Variants in CAPS2 observed in about 807,000 individuals in gnomAD.
The protein encoded by CAPS2 is calcyphosin-2.
In CAPS2, 98 loss-of-function variants were observed where a neutral mutation model predicts 86.5. That is an observed-to-expected ratio of 1.13 (90% CI 0.96 to 1.34). The LOEUF is 1.34. Among genes scored for constraint, CAPS2 ranks in the 40% most tolerant of loss-of-function variants. The pLI is 0.00. For missense variants in CAPS2, 729 were observed against 686.8 expected, an observed-to-expected ratio of 1.06 and a Z score of -0.69; for synonymous variants, 210 against 225.1, an observed-to-expected ratio of 0.93 and a Z score of 0.60.
intron 1 of CAPS2, among the ~76,000 whole-genome samples, chr12:75,376,020 T>C (rs1351917279): frequency 6.6e-6 from 1 of 152,184 alleles, no homozygotes; most frequent in Non-Finnish European, 1.5e-5. Flanking sequence ...GTCTTCTGGA[T>C]CCGCCCAGTT....
chr12:75,365,686 C>T (rs769465055), intron 1 of CAPS2, among the ~76,000 whole-genome samples: 1 of 151,912 alleles, frequency 6.6e-6, no homozygotes, highest in Non-Finnish European at 1.5e-5. Flanking sequence ...TTACATTTAC[C>T]TCATTATTTA....
chr12:75,333,529 G>T (rs2041489817), upstream of CAPS2, among the ~76,000 whole-genome samples: 1 of 152,174 alleles, frequency 6.6e-6, no homozygotes, highest in African/African-American at 2.4e-5. Context: ...TATGTGATAT[G>T]AAAGTAGTAT....
At chr12:75,298,622 C>A in intron 11 of CAPS2, 65 bp downstream of exon 11, 1 of 1,251,898 alleles carries the variant, frequency 8.0e-7, no homozygotes, top group Non-Finnish European at 1.2e-6. Flanking sequence ...ACTCCTCCAC[C>A]TCCATGGGAC....
rs147819496 is a variant in CAPS2 at position 75,378,771 on chromosome 12, C to T, written c.-395+12067G>A. Among the ~76,000 whole-genome samples the T allele has an allele frequency of 6.2e-4, 94 of 152,312 alleles. No individual in the cohort carries two copies. In the East Asian group the frequency reaches 0.015, roughly 24 times the overall value. ...ATCTAAAAAAATATCTTTACAGCAA[C>T]ATCTAGACTAGTACAACCAAACAAC... On this transcript the variant is annotated intron_variant, in intron 1 of 5. Coordinates refer to the CAPS2 transcript ENST00000551829.
upstream of CAPS2, among the ~76,000 whole-genome samples, chr12:75,328,963 C>T (rs1245835768): frequency 1.3e-5 from 2 of 152,172 alleles, no homozygotes; most frequent in African/African-American, 2.4e-5. Flanking sequence ...GCAACTGACA[C>T]CCTATGTAGA....
At chr12:75,388,375 T>A (rs914753849) in intron 1 of CAPS2, among the ~76,000 whole-genome samples, 1 of 152,128 alleles carries the variant, frequency 6.6e-6, no homozygotes, top group African/African-American at 2.4e-5. Context: ...CACCAATACC[T>A]AGAATCAGCC....
At chr12:75,362,520 T>G (rs2043669150) in intron 1 of CAPS2, among the ~76,000 whole-genome samples, 1 of 152,166 alleles carries the variant, frequency 6.6e-6, no homozygotes, top group African/African-American at 2.4e-5. Flanking sequence ...GTAACTAAAT[T>G]GTGGCATATT....
chr12:75,338,769 C>A (rs1414200801), intron 1 of CAPS2, among the ~76,000 whole-genome samples: 1 of 152,134 alleles, frequency 6.6e-6, no homozygotes, highest in African/African-American at 2.4e-5. Context: ...CTTCTGCCTA[C>A]AGGCCCCAAT....
intron 1 of CAPS2, 165 bp from the exon 3 acceptor site, chr12:75,325,453 C>T: frequency 4.0e-6 from 1 of 248,042 alleles, no homozygotes; most frequent in Non-Finnish European, 6.4e-6. Context: ...GCTTGAGACA[C>T]AGATAAAAAG....
intron 1 of CAPS2, among the ~76,000 whole-genome samples, chr12:75,385,176 G>C (rs191155788): frequency 1.8e-4 from 28 of 152,204 alleles, no homozygotes; most frequent in African/African-American, 5.8e-4. Flanking sequence ...TCAACCTTAT[G>C]TTCTCAGCCT....
intron 5 of CAPS2, among the ~76,000 whole-genome samples, chr12:75,318,552 A>G (rs2039998800): frequency 1.3e-5 from 2 of 151,892 alleles, no homozygotes; most frequent in African/African-American, 4.8e-5. Flanking sequence ...ATATTTCTTA[A>G]ACACTCCTAC....
intron 6 of CAPS2, 46 bp downstream of exon 6, chr12:75,316,266 A>G (rs941968392): frequency 2.6e-6 from 4 of 1,543,840 alleles, no homozygotes; most frequent in Non-Finnish European, 3.5e-6. Context: ...TAGAAAGCAA[A>G]TAAGATTAAT....
At chr12:75,374,777 T>C (rs900258262) in intron 1 of CAPS2, among the ~76,000 whole-genome samples, 2 of 152,164 alleles carry the variant, frequency 1.3e-5, no homozygotes, top group Non-Finnish European at 2.9e-5. Flanking sequence ...TGGACAGGAA[T>C]CAAGAAAAAG....
intron 14 of CAPS2, among the ~76,000 whole-genome samples, chr12:75,285,896 T>C (rs2034794164): frequency 6.6e-6 from 1 of 152,000 alleles, no homozygotes; most frequent in Admixed American, 6.6e-5. Context: ...GACTCTAATA[T>C]TATTCTACAA....
chr12:75,291,653 C>A, intron 13 of CAPS2, 91 bp downstream of exon 13: 1 of 340,204 alleles, frequency 2.9e-6, no homozygotes, highest in South Asian at 6.8e-5. Context: ...AATCAAGTGC[C>A]ACTGAGAAAT....
chr12:75,355,823 T>C (rs1224497768), intron 1 of CAPS2, among the ~76,000 whole-genome samples: 1 of 152,216 alleles, frequency 6.6e-6, no homozygotes, highest in African/African-American at 2.4e-5. Flanking sequence ...TCATGTCATT[T>C]GCAGGGACAT....
chr12:75,283,651 T>TA, intron 15 of CAPS2, among the ~76,000 whole-genome samples: 1 of 152,064 alleles, frequency 6.6e-6, no homozygotes, highest in South Asian at 2.1e-4. Context: ...CTGTCTCTAC[T>TA]AAAAATACAA....
rs2034107358 is a variant in CAPS2, at chr12:75,282,362, A to G, written c.1516-15T>C. ...TTCATAAAGGCCTAAACAGACAAATATTATTATTATTAGTTTGTTGGTTGG... is the reference window on the plus strand; with the variant it reads ...TTCATAAAGGCCTAAACAGACAAATGTTATTATTATTAGTTTGTTGGTTGG... On this transcript the variant is annotated splice_polypyrimidine_tract_variant and intron_variant, in intron 15 of 16. Coordinates refer to ENST00000393284, the Ensembl canonical transcript of CAPS2. The G allele has an allele frequency of 1.4e-6, 2 of 1,444,176 alleles. No homozygotes were observed. Among genetic ancestry groups the G allele is most frequent in the Non-Finnish European group, 1.9e-6 (2 of 1,026,838 alleles). The allele number at this position is 1,444,176 out of a possible 1,614,324, so 89.5% of individuals were successfully genotyped here.
chr12:75,356,389 A>T lies in CAPS2; in HGVS notation c.-394-33167T>A, dbSNP rs114680864. On this transcript the variant is annotated intron_variant, in intron 1 of 5. Coordinates refer to the CAPS2 transcript ENST00000551829. ...ATTCTCTTTCAAAGATAATTATTTA[A>T]TCAAAATAAATGTATTGTGATATTG... Among the ~76,000 whole-genome samples the T allele has an allele frequency of 2.5e-3, 381 of 152,306 alleles. 2 individuals carry two copies. The highest frequency in any genetic ancestry group is 8.9e-3 in the African/African-American group (370 of 41,576).
Sources: gnomAD v4.1 joint callset for allele counts (sites outside exome capture counted in the v4.1 genomes callset) on GRCh38, gnomAD v4.1.1 for gene constraint, MANE v1.5 for transcripts, NCBI Gene and HGNC (gene_info 2026-07-23, HGNC 2026-07-21) for gene names.